The following SLIT2 variants were observed in gnomAD, a reference collection of about 807,000 sequenced individuals.
The protein encoded by SLIT2 is slit homolog 2 protein.
In SLIT2, 41 loss-of-function variants were observed where a neutral mutation model predicts 185.7. The observed-to-expected ratio is 0.22, with a 90% CI of 0.17 to 0.29. SLIT2 has a LOEUF of 0.29. Among genes scored for constraint, SLIT2 ranks in the 10% least tolerant of loss-of-function variants. The pLI, the probability that SLIT2 is intolerant of heterozygous loss-of-function variation, is 1.00. For synonymous variants in SLIT2, 693 were observed against 680.2 expected (o/e 1.02, Z -0.29); for missense variants, 1,571 against 1,909.0 (o/e 0.82, Z 3.30).
chr4:20,390,778 A>AT (rs1725354420), intron 4 of SLIT2, among the ~76,000 whole-genome samples: 2 of 143,094 alleles, frequency 1.4e-5, no homozygotes, highest in South Asian at 2.4e-4. Flanking sequence ...TTTTAAAAAA[A>AT]AATATATATA....
At chr4:20,361,456 T>C (rs1448042562) in intron 4 of SLIT2, among the ~76,000 whole-genome samples, 1 of 152,170 alleles carries the variant, frequency 6.6e-6, no homozygotes. Flanking sequence ...TCTCTTTAGA[T>C]TGTACACATC....
At chr4:20,324,910 T>G (rs1042881927) in intron 4 of SLIT2, among the ~76,000 whole-genome samples, 6 of 152,110 alleles carry the variant, frequency 3.9e-5, no homozygotes, top group African/African-American at 7.2e-5. Flanking sequence ...AAAACTGCAA[T>G]TATTTTTGCA....
intron 4 of SLIT2, among the ~76,000 whole-genome samples, chr4:20,298,930 G>C (rs1716774233): frequency 6.6e-6 from 1 of 152,058 alleles, no homozygotes; most frequent in South Asian, 2.1e-4. Context: ...TTGGAAATTG[G>C]GGATTGTAAT....
At chr4:20,542,680 C>A in intron 21 of SLIT2, 54 bp downstream of exon 21, 1 of 1,581,314 alleles carries the variant, frequency 6.3e-7, no homozygotes, top group Non-Finnish European at 8.7e-7. Context: ...ATAAATGTTT[C>A]ATACACCCAG....
Position 20,528,513 on chromosome 4 carries a change from G to A in SLIT2, c.1463-436G>A, listed in dbSNP as rs1244977747. ...GGGAGAGAATAGTAAAAAGTCCATA[G>A]AAAATTTAAAAGCCTGAGTATATCT... On this transcript the variant is annotated intron_variant, in intron 15 of 36. Transcript: ENST00000504154. The surrounding 1 kb of genome is among the most constrained non-coding windows in gnomAD (Gnocchi z 4.2). The A allele has an allele frequency of 2.8e-6, 1 of 355,424 alleles. No homozygotes were observed. The highest frequency in any genetic ancestry group is 5.5e-6 in the Non-Finnish European group (1 of 180,850). The allele number at this position is 355,424 out of a possible 1,614,324, so 22.0% of individuals were successfully genotyped here.
chr4:20,548,931 A>G (rs1723490422), intron 23 of SLIT2, 126 bp from the exon 24 acceptor site: 1 of 628,008 alleles, frequency 1.6e-6, no homozygotes. Context: ...AAAAATAACA[A>G]TATATTGTGT....
At position 20,293,748 on chromosome 4, in the gene SLIT2, T is replaced by G. The variant is rs576516664; in HGVS notation, c.395+24867T>G. Among the ~76,000 whole-genome samples the G allele has an allele frequency of 8.4e-4, 128 of 152,248 alleles. 2 individuals carry two copies. Among genetic ancestry groups the G allele is most frequent in the African/African-American group, 3.0e-3 (124 of 41,538 alleles). On this transcript the variant is annotated intron_variant, in intron 4 of 36. Coordinates refer to ENST00000504154, the MANE Select transcript of SLIT2 (RefSeq NM_004787.4). ...TACACCTCCCATGCTGGAAACTACC[T>G]TAGAAACTTAGGTGAAGAGACAGGT...
intron 4 of SLIT2, among the ~76,000 whole-genome samples, chr4:20,351,493 A>G (rs1721871846): frequency 6.6e-6 from 1 of 152,176 alleles, no homozygotes; most frequent in Admixed American, 6.5e-5. Context: ...GGCAGTGGGC[A>G]AGAAGAACCC....
intron 11 of SLIT2, among the ~76,000 whole-genome samples, chr4:20,514,916 G>A (rs1352365248): frequency 1.3e-5 from 2 of 151,908 alleles, no homozygotes; most frequent in Non-Finnish European, 2.9e-5. Context: ...TTCTTTCAAT[G>A]TGACATCAAC....
chr4:20,486,922 C>T (rs1471050823), intron 7 of SLIT2, among the ~76,000 whole-genome samples: 1 of 151,774 alleles, frequency 6.6e-6, no homozygotes, highest in Non-Finnish European at 1.5e-5. Context: ...ATTTCAGAAT[C>T]ACCTTGACCT....
chr4:20,415,253 T>A (rs1422561737), intron 4 of SLIT2, among the ~76,000 whole-genome samples: 1 of 152,002 alleles, frequency 6.6e-6, no homozygotes, highest in East Asian at 1.9e-4. Context: ...CTACTAAAAA[T>A]ACAAAAAATT....
chr4:20,481,200 G>T (rs1716671029), intron 6 of SLIT2, among the ~76,000 whole-genome samples: 1 of 151,990 alleles, frequency 6.6e-6, no homozygotes, highest in Non-Finnish European at 1.5e-5. Flanking sequence ...TTAACCAGCT[G>T]ATTTAACATT....
intron 29 of SLIT2, among the ~76,000 whole-genome samples, chr4:20,585,501 A>C (rs1319416545): frequency 1.3e-5 from 2 of 152,204 alleles, no homozygotes; most frequent in African/African-American, 4.8e-5. Flanking sequence ...GAATGGGTTG[A>C]AGCCAGATCA....
chr4:20,448,163 G>A (rs1712032156), intron 4 of SLIT2, among the ~76,000 whole-genome samples: 1 of 151,990 alleles, frequency 6.6e-6, no homozygotes, highest in South Asian at 2.1e-4. Context: ...CTAATCCTTC[G>A]AGATATTAAC....
intron 29 of SLIT2, among the ~76,000 whole-genome samples, chr4:20,572,131 T>C (rs1577949324): frequency 6.6e-6 from 1 of 152,232 alleles, no homozygotes; most frequent in African/African-American, 2.4e-5. Context: ...TCTTTCCTGC[T>C]CCAGGGATTG....
rs144663470 is a variant in SLIT2 at position 20,550,425 on chromosome 4, A to G, written c.2490-402A>G. ...TATATCTTATATAAGTTGCAAATAT[A>G]TATTATTCTATTTCTTATATGGAAT... On this transcript the variant is annotated intron_variant, in intron 24 of 36. Transcript: ENST00000504154. Among the ~76,000 whole-genome samples, 249 of 151,858 alleles carry G rather than the reference A, an allele frequency of 1.6e-3. 3 individuals are homozygous for G. In the East Asian group the frequency reaches 0.036, roughly 22 times the overall value.
intron 9 of SLIT2, among the ~76,000 whole-genome samples, chr4:20,493,383 T>C (rs2148800052): frequency 6.6e-6 from 1 of 152,310 alleles, no homozygotes; most frequent in Non-Finnish European, 1.5e-5. Context: ...AACTATATAG[T>C]CATCTATGCA....
Position 20,374,175 on chromosome 4 carries a change from A to G in SLIT2, c.396-93577A>G, listed in dbSNP as rs566052644. 2.4e-4 allele frequency among the ~76,000 whole-genome samples: 37 copies of G among 152,220 alleles called. No homozygotes were observed. In the South Asian group the frequency reaches 6.4e-3, roughly 26 times the overall value. On this transcript the variant is annotated intron_variant, in intron 4 of 36. Transcript: ENST00000504154. ...TTGATGAAGGTACAGGGAAAATTATATGCGATGATACATGCAGGGTGTCTG... is the reference window on the plus strand; with the variant it reads ...TTGATGAAGGTACAGGGAAAATTATGTGCGATGATACATGCAGGGTGTCTG...
Position 20,598,195 on chromosome 4 carries a change from C to A in SLIT2, c.3562-70C>A, listed in dbSNP as rs757381759. The A allele has an allele frequency of 5.9e-4, 867 of 1,458,392 alleles. 2 individuals carry two copies. Among genetic ancestry groups the A allele is most frequent in the Middle Eastern group, 1.3e-3 (7 of 5,600 alleles). 90.3% of individuals were successfully genotyped at this position (1,458,392 alleles called of 1,614,324 possible). ...AGTAAAACCTGTTCACCTCACTTAG[C>A]AGTCTCTTTCTGATCAAATACGTTT... is the stretch of plus-strand genomic sequence containing the variant. On this transcript the variant is annotated intron_variant, in intron 32 of 36. Coordinates refer to ENST00000504154, the MANE Select transcript of SLIT2 (RefSeq NM_004787.4).
Sources: gnomAD v4.1 joint callset for allele counts (sites outside exome capture counted in the v4.1 genomes callset) on GRCh38, gnomAD v4.1.1 for gene constraint, Gnocchi (gnomAD v3.1) non-coding constraint, MANE v1.5 for transcripts, NCBI Gene and HGNC (gene_info 2026-07-23, HGNC 2026-07-21) for gene names.